The following CUEDC1 variants were observed in gnomAD, a reference collection of about 807,000 sequenced individuals.
CUEDC1 encodes CUE domain-containing protein 1.
In CUEDC1, 30 loss-of-function variants were observed where a neutral mutation model predicts 43.7. The ratio of observed to expected loss-of-function variants is 0.69; its 90% CI spans 0.51 to 0.93. CUEDC1 has a LOEUF of 0.93. CUEDC1 is among the 40% of genes least tolerant of loss of function. The probability of loss-of-function intolerance (pLI) is 0.00; values close to 1 mark genes in which losing one functional copy is unlikely to be tolerated. For missense variants in CUEDC1, 486 were observed against 549.0 expected (o/e 0.89, Z 1.15); for synonymous variants, 223 against 223.6 (o/e 1.00, Z 0.02).
At chr17:57,883,854 G>C (rs1472874393) in intron 2 of CUEDC1, among the ~76,000 whole-genome samples, 3 of 152,182 alleles carry the variant, frequency 2.0e-5, no homozygotes, top group African/African-American at 4.8e-5. Context: ...GTCCATGGCT[G>C]CATGTCCCAG....
intron 1 of CUEDC1, among the ~76,000 whole-genome samples, chr17:57,924,421 G>A (rs11655125): frequency 0.41 from 62,600 of 151,746 alleles, 14,098 homozygotes; most frequent in African/African-American, 0.58. Context: ...GCTTCTTTAC[G>A]TTGCTGCTCA....
chr17:57,899,229 G>C (rs2074445346), intron 1 of CUEDC1, among the ~76,000 whole-genome samples: 1 of 152,260 alleles, frequency 6.6e-6, no homozygotes, highest in Admixed American at 6.5e-5. Flanking sequence ...GGATAATTTA[G>C]AGCCACTCAC....
At chr17:57,923,392 C>T (rs2074715957) in intron 1 of CUEDC1, among the ~76,000 whole-genome samples, 1 of 152,174 alleles carries the variant, frequency 6.6e-6, no homozygotes, top group South Asian at 2.1e-4. Context: ...TGGGTTCTAC[C>T]AAGAGCTGCA....
chr17:57,913,673 C>CT (rs11368677), intron 1 of CUEDC1, among the ~76,000 whole-genome samples: 70,626 of 151,874 alleles, frequency 0.47, 18,163 homozygotes, highest in East Asian at 0.96. Flanking sequence ...TCATTTCTGC[C>CT]CCCCATCCCA....
intron 4 of CUEDC1, 59 bp from the exon 5 acceptor site, chr17:57,872,914 G>A (rs1025930526): frequency 3.2e-5 from 48 of 1,487,050 alleles, no homozygotes; most frequent in East Asian, 9.1e-5. Flanking sequence ...TTGCACAAAC[G>A]TCCACATCCC....
intron 1 of CUEDC1, among the ~76,000 whole-genome samples, chr17:57,921,775 G>A (rs759141868): frequency 8.2e-4 from 124 of 152,072 alleles, no homozygotes; most frequent in Non-Finnish European, 1.3e-3. Context: ...TCTGTGGTTC[G>A]GCTCAATTCT....
intron 1 of CUEDC1, among the ~76,000 whole-genome samples, chr17:57,941,048 C>T (rs1598024642): frequency 6.6e-6 from 1 of 152,318 alleles, no homozygotes; most frequent in Admixed American, 6.5e-5. Flanking sequence ...TCCTGCCAGC[C>T]GTGTGGCTGT....
intron 1 of CUEDC1, among the ~76,000 whole-genome samples, chr17:57,953,950 G>C (rs2075030965): frequency 6.6e-6 from 1 of 152,152 alleles, no homozygotes; most frequent in Non-Finnish European, 1.5e-5. Context: ...CCATCCCAGA[G>C]ATGGCACCAT....
At chr17:57,920,365 C>G (rs2074686406) in intron 1 of CUEDC1, among the ~76,000 whole-genome samples, 1 of 152,148 alleles carries the variant, frequency 6.6e-6, no homozygotes, top group African/African-American at 2.4e-5. Flanking sequence ...ATTTTACCAT[C>G]CTGGTTTTAT....
intron 1 of CUEDC1, among the ~76,000 whole-genome samples, chr17:57,949,953 C>T (rs912386245): frequency 4.6e-5 from 7 of 152,104 alleles, no homozygotes; most frequent in Non-Finnish European, 1.0e-4. Flanking sequence ...TGATCTTGGG[C>T]AAGTTATTTA....
At position 57,872,673 on chromosome 17, in the gene CUEDC1, A is replaced by T; in HGVS notation, c.774T>A (p.Ala258=). ...ELQRNRDFLL[A]LERDRLKYES... is the part of the protein sequence containing the mutation. ...GCAGGCGCTGCCCACCTCTCTCCAG[A>T]GCGAGGAGGAAGTCGCGGTTCCGTT... The change falls in exon 5 of 11, where the codon GCT becomes GCA. Residue 258 remains alanine, a synonymous_variant. Transcript: ENST00000577830. The T allele has an allele frequency of 6.2e-7, 1 of 1,613,974 alleles. No individual in the cohort carries two copies. Among genetic ancestry groups the T allele is most frequent in the Non-Finnish European group, 8.5e-7 (1 of 1,180,014 alleles).
At chr17:57,947,469 C>T (rs944141692) in intron 1 of CUEDC1, among the ~76,000 whole-genome samples, 2 of 152,194 alleles carry the variant, frequency 1.3e-5, no homozygotes, top group African/African-American at 4.8e-5. Context: ...TGTTATACTA[C>T]ATGTTTTTCG....
intron 5 of CUEDC1, 82 bp downstream of exon 5, chr17:57,872,581 A>G: frequency 4.0e-6 from 6 of 1,487,914 alleles, no homozygotes; most frequent in Non-Finnish European, 5.5e-6. Flanking sequence ...CCCCCAGCTC[A>G]GTGTTTTCCT....
At chr17:57,933,626 A>G (rs555163056) in intron 1 of CUEDC1, among the ~76,000 whole-genome samples, 1 of 152,282 alleles carries the variant, frequency 6.6e-6, no homozygotes, top group African/African-American at 2.4e-5. Flanking sequence ...GCTGTGGGGA[A>G]AGCTTGCTGA....
chr17:57,891,969 C>T (rs1287848737), intron 1 of CUEDC1, among the ~76,000 whole-genome samples: 2 of 152,222 alleles, frequency 1.3e-5, no homozygotes, highest in Admixed American at 1.3e-4. Context: ...TTGCTATACT[C>T]ACTGTGGTAT....
At chr17:57,876,449 C>T (rs891252652) in intron 3 of CUEDC1, among the ~76,000 whole-genome samples, 1 of 152,176 alleles carries the variant, frequency 6.6e-6, no homozygotes, top group African/African-American at 2.4e-5. Context: ...TCCCTGCCCC[C>T]GTGTCTTCGG....
chr17:57,900,939 C>T (rs1005954133), intron 1 of CUEDC1, among the ~76,000 whole-genome samples: 6 of 152,172 alleles, frequency 3.9e-5, no homozygotes, highest in Admixed American at 6.5e-5. Flanking sequence ...AGGACGGTGG[C>T]GACCACCTTC....
chr17:57,885,570 G>A lies in CUEDC1; in HGVS notation c.-6C>T, dbSNP rs3744092. On this transcript the variant is annotated 5_prime_UTR_variant, in exon 2 of 11. Coordinates refer to ENST00000577830, the MANE Select transcript of CUEDC1 (RefSeq NM_001271875.2). ...CGGCGGAACAGGCTGGTCATTTTGC[G>A]GAGCCGCTTGGGGAAAATGTTTCTA... 1.2e-3 allele frequency: 1,589 copies of A among 1,350,988 alleles called. 23 individuals carry two copies. The East Asian group carries it at 0.034, about 29-fold the overall frequency. The allele number at this position is 1,350,988 out of a possible 1,614,324, so 83.7% of individuals were successfully genotyped here. A position where few individuals can be genotyped will look rare whatever the true frequency, so the allele number is the denominator to read the frequency against.
chr17:57,868,206 G>A lies in CUEDC1; in HGVS notation c.978C>T (p.Phe326=). The stretch of plus-strand genomic sequence containing the variant: ...ACTTCCTCATTTTGGTCTTCTCTGA[G>A]AAGGCTCGGGCAAGTTCAAACAGTT... The part of the protein sequence containing the change: ...RRKLFELARA[F]SEKTKMRKSK... Residue 326 remains phenylalanine, a synonymous_variant, in exon 8 of 11, where the codon TTC becomes TTT. Transcript: ENST00000577830. 6.2e-7 allele frequency: 1 copy of A among 1,614,238 alleles called. No homozygotes were observed. Among genetic ancestry groups the A allele is most frequent in the Non-Finnish European group, 8.5e-7 (1 of 1,180,048 alleles).
Sources: allele counts gnomAD v4.1 joint callset (sites outside exome capture counted in the v4.1 genomes callset), GRCh38; gene constraint gnomAD v4.1.1; transcripts MANE v1.5; gene names NCBI Gene and HGNC (gene_info 2026-07-23, HGNC 2026-07-21).